ITGBL1: variants seen among roughly 807,000 people sequenced by gnomAD.
ITGBL1 encodes integrin subunit beta like 1, also known as integrin beta-like protein 1.
Under a neutral mutation model 68.5 loss-of-function variants are expected in ITGBL1, and 51 were observed. The observed-to-expected ratio is 0.74, with a 90% CI of 0.59 to 0.94. ITGBL1 has a LOEUF of 0.94. Ranked by LOEUF, ITGBL1 falls within the 40% of genes least tolerant of loss-of-function variation. The pLI is 0.00. For missense variants in ITGBL1, 649 were observed against 647.4 expected (o/e 1.00, Z -0.03); for synonymous variants, 209 against 227.3 (o/e 0.92, Z 0.72).
intron 3 of ITGBL1, 89 bp from the exon 4 acceptor site, chr13:101,575,335 C>A: frequency 8.2e-7 from 1 of 1,222,804 alleles, no homozygotes; most frequent in Non-Finnish European, 1.2e-6. Context: ...TTTGGATTAT[C>A]TACTCTCTTG....
intron 7 of ITGBL1, among the ~76,000 whole-genome samples, chr13:101,612,470 C>T (rs1286123927): frequency 6.6e-6 from 1 of 151,918 alleles, no homozygotes; most frequent in East Asian, 1.9e-4. Context: ...CTTTAATTTG[C>T]TGGAAGTCTG....
At chr13:101,619,670 A>G (rs1382407764) in intron 7 of ITGBL1, among the ~76,000 whole-genome samples, 2 of 152,206 alleles carry the variant, frequency 1.3e-5, no homozygotes, top group Non-Finnish European at 2.9e-5. Flanking sequence ...AAATGAATAC[A>G]GTGATCTTTG....
chr13:101,634,771 G>T (rs6491638), intron 7 of ITGBL1, among the ~76,000 whole-genome samples: 118,329 of 151,924 alleles, frequency 0.78, 46,081 homozygotes, highest in East Asian at 0.86. Context: ...TTTAAAATCA[G>T]AAGTGCAATG....
At chr13:101,501,506 C>T (rs2048940089) in intron 2 of ITGBL1, among the ~76,000 whole-genome samples, 1 of 152,104 alleles carries the variant, frequency 6.6e-6, no homozygotes, top group Admixed American at 6.6e-5. Flanking sequence ...ACACTGACAT[C>T]CTCAACAACA....
chr13:101,691,094 C>T (rs2033873846), intron 7 of ITGBL1, among the ~76,000 whole-genome samples: 1 of 152,126 alleles, frequency 6.6e-6, no homozygotes, highest in African/African-American at 2.4e-5. Context: ...TGCCACACTG[C>T]CCACAGACGT....
At chr13:101,476,530 A>C (rs1445684760) in intron 2 of ITGBL1, among the ~76,000 whole-genome samples, 1 of 152,110 alleles carries the variant, frequency 6.6e-6, no homozygotes, top group Non-Finnish European at 1.5e-5. Context: ...TCTCTAATCA[A>C]AAGACATGGA....
At chr13:101,653,700 T>C (rs989908627) in intron 7 of ITGBL1, among the ~76,000 whole-genome samples, 1 of 151,298 alleles carries the variant, frequency 6.6e-6, no homozygotes, top group Non-Finnish European at 1.5e-5. Context: ...GAAGGCTTCT[T>C]TTTTTTTGAG....
At chr13:101,679,515 A>G (rs2033590324) in intron 7 of ITGBL1, among the ~76,000 whole-genome samples, 1 of 152,168 alleles carries the variant, frequency 6.6e-6, no homozygotes, top group South Asian at 2.1e-4. Flanking sequence ...TTTTTACTCT[A>G]ATTTACATGG....
intron 7 of ITGBL1, among the ~76,000 whole-genome samples, chr13:101,666,731 G>C (rs986025585): frequency 2.6e-5 from 4 of 152,008 alleles, no homozygotes; most frequent in Admixed American, 6.6e-5. Context: ...AGTGGATGTG[G>C]GATGGCAAAT....
intron 2 of ITGBL1, among the ~76,000 whole-genome samples, chr13:101,540,326 T>A (rs2049670712): frequency 7.2e-5 from 11 of 152,234 alleles, no homozygotes; most frequent in Admixed American, 7.2e-4. Flanking sequence ...TCCCCATTTC[T>A]TCTTTTTGTC....
chr13:101,715,966 G>A lies in ITGBL1; in HGVS notation c.*312G>A. ...TTGATTGTCACACTGGGTCGGGTAG[G>A]AAGGTATGCTGCAGACATTTGGTGG... On this transcript the variant is annotated 3_prime_UTR_variant, in exon 11 of 11. Coordinates refer to ENST00000376180, the MANE Select transcript of ITGBL1 (RefSeq NM_004791.3). The A allele has an allele frequency of 3.3e-6, 1 of 306,044 alleles. No individual in the cohort carries two copies. The highest frequency in any genetic ancestry group is 3.4e-5 in the South Asian group (1 of 29,628). The allele number at this position is 306,044 out of a possible 1,614,324, so 19.0% of individuals were successfully genotyped here.
At chr13:101,459,037 T>C (rs1299613327) in intron 2 of ITGBL1, among the ~76,000 whole-genome samples, 1 of 152,204 alleles carries the variant, frequency 6.6e-6, no homozygotes, top group Admixed American at 6.5e-5. Flanking sequence ...TTTTTAAGTC[T>C]GCGAGATCAG....
intron 7 of ITGBL1, among the ~76,000 whole-genome samples, chr13:101,657,157 GTGTTT>G (rs1391006732): frequency 6.6e-6 from 1 of 152,028 alleles, no homozygotes; most frequent in African/African-American, 2.4e-5. Context: ...AGTGTGCATT[GTGTTT>G]TAAGTTTGAA....
intron 2 of ITGBL1, among the ~76,000 whole-genome samples, chr13:101,532,181 A>G (rs911483965): frequency 2.9e-4 from 44 of 152,192 alleles, no homozygotes; most frequent in African/African-American, 1.0e-3. Context: ...TTTTAATCAT[A>G]TGGTTGCTGT....
intron 2 of ITGBL1, among the ~76,000 whole-genome samples, chr13:101,493,707 C>A (rs2048814533): frequency 6.6e-6 from 1 of 152,198 alleles, no homozygotes; most frequent in Non-Finnish European, 1.5e-5. Context: ...CCTGGGGGAC[C>A]TAAGCCTGTA....
chr13:101,617,389 T>C (rs1391839005), intron 7 of ITGBL1, among the ~76,000 whole-genome samples: 2 of 152,096 alleles, frequency 1.3e-5, no homozygotes, highest in Non-Finnish European at 2.9e-5. Flanking sequence ...TCTCCTGTTT[T>C]ACTCTCAGAA....
intron 7 of ITGBL1, among the ~76,000 whole-genome samples, chr13:101,649,732 A>G (rs1455005879): frequency 6.6e-6 from 1 of 152,192 alleles, no homozygotes; most frequent in Non-Finnish European, 1.5e-5. Flanking sequence ...ACTTTGATTT[A>G]TGTATTCACC....
chr13:101,508,047 G>A (rs897499503), intron 2 of ITGBL1, among the ~76,000 whole-genome samples: 13 of 152,080 alleles, frequency 8.5e-5, no homozygotes, highest in African/African-American at 2.9e-4. Context: ...CTGATGAGAC[G>A]AGAGACTTTA....
intron 7 of ITGBL1, among the ~76,000 whole-genome samples, chr13:101,652,539 T>A (rs922003591): frequency 3.3e-5 from 5 of 152,202 alleles, no homozygotes; most frequent in Non-Finnish European, 5.9e-5. Flanking sequence ...ATTTCTTGCA[T>A]ACCTGTGATT....
Sources: gnomAD v4.1 joint callset for allele counts (sites outside exome capture counted in the v4.1 genomes callset) on GRCh38, gnomAD v4.1.1 for gene constraint, MANE v1.5 for transcripts, NCBI Gene and HGNC (gene_info 2026-07-23, HGNC 2026-07-21) for gene names.